Variants in LRP5 observed in about 807,000 individuals in gnomAD.
The protein encoded by LRP5 is low-density lipoprotein receptor-related protein 5.
LRP5 carries 62 observed loss-of-function variants against 154.1 expected under a neutral mutation model. The observed-to-expected ratio is 0.40, with a 90% CI of 0.33 to 0.50. The LOEUF (loss-of-function observed/expected upper bound fraction) is 0.50. Among genes scored for constraint, LRP5 ranks in the 20% least tolerant of loss-of-function variants. The pLI, the probability that LRP5 is intolerant of heterozygous loss-of-function variation, is 0.55. For missense variants in LRP5, 1,915 were observed against 2,336.7 expected (o/e 0.82, Z 3.72); for synonymous variants, 966 against 1,011.5 (o/e 0.96, Z 0.85).
At chr11:68,410,928 T>G (rs1432912634) in intron 10 of LRP5, among the ~76,000 whole-genome samples, 1 of 152,134 alleles carries the variant, frequency 6.6e-6, no homozygotes, top group African/African-American at 2.4e-5. Flanking sequence ...CAGGTCAAAC[T>G]TAGAAAATTC....
chr11:68,439,949 G>C, intron 21 of LRP5, 33 bp downstream of exon 21: 10 of 597,756 alleles, frequency 1.7e-5, no homozygotes, highest in Middle Eastern at 5.7e-4. Context: ...GGCGGGGCGG[G>C]ATGGGGCTGT....
At chr11:68,326,314 G>A (rs2098599626) in intron 1 of LRP5, among the ~76,000 whole-genome samples, 1 of 152,218 alleles carries the variant, frequency 6.6e-6, no homozygotes, top group African/African-American at 2.4e-5. Flanking sequence ...CTTTTCAGAG[G>A]ACATTGTTGA....
intron 3 of LRP5, among the ~76,000 whole-genome samples, chr11:68,359,241 G>A (rs1227947690): frequency 6.6e-6 from 1 of 152,200 alleles, no homozygotes; most frequent in African/African-American, 2.4e-5. Flanking sequence ...CTGAAGGTTT[G>A]AGTGAGGCCG....
chr11:68,361,304 C>CA (rs111416748), intron 3 of LRP5, among the ~76,000 whole-genome samples: 1,456 of 122,524 alleles, frequency 0.012, 20 homozygotes, highest in African/African-American at 0.033. Flanking sequence ...GACTCTGTCT[C>CA]AAAAAAAAAA....
At position 68,386,187 on chromosome 11, in the gene LRP5, A is replaced by T. The variant is rs2098642883; in HGVS notation, c.1016-129A>T. On this transcript the variant is annotated intron_variant, in intron 5 of 22. Transcript: ENST00000294304. The surrounding 1 kb of genome is among the most constrained non-coding windows in gnomAD (Gnocchi z 7.9). ...ATGGGCTGGGTGCGTGTCACCTAAC[A>T]TCACCAGCCTTTGCAAGGAGAGCCC... The T allele has an allele frequency of 8.7e-7, 1 of 1,147,116 alleles. No individual in the cohort carries two copies. The highest frequency in any genetic ancestry group is 1.8e-5 in the Admixed American group (1 of 56,634). The allele number at this position is 1,147,116 out of a possible 1,614,324, so 71.1% of individuals were successfully genotyped here.
chr11:68,365,330 C>T (rs539168276), intron 4 of LRP5, among the ~76,000 whole-genome samples: 2 of 151,948 alleles, frequency 1.3e-5, no homozygotes, highest in East Asian at 3.9e-4. Flanking sequence ...AGGAAGGTCA[C>T]GGCTGGTTTT....
chr11:68,438,218 C>T (rs1156691302), intron 19 of LRP5, among the ~76,000 whole-genome samples: 1 of 152,120 alleles, frequency 6.6e-6, no homozygotes, highest in East Asian at 1.9e-4. Flanking sequence ...GGGAGTCGGA[C>T]AGCGGCGGGG....
chr11:68,363,851 A>C lies in LRP5; in HGVS notation c.791A>C (p.Asn264Thr). The C allele has an allele frequency of 6.2e-7, 1 of 1,613,204 alleles. No homozygotes were observed. Among genetic ancestry groups the C allele is most frequent in the Non-Finnish European group, 8.5e-7 (1 of 1,179,850 alleles). ...CAGACCCGCTCCATCCATGCCTGCA[A>C]CAAGCGCACTGGGGGGAAGAGGAAG... ...DWQTRSIHAC[N>T]KRTGGKRKEI... Residue 264 changes from asparagine to threonine, a missense_variant, in exon 4 of 23, where the codon AAC becomes ACC. Transcript: ENST00000294304.
chr11:68,390,036 A>G lies in LRP5; in HGVS notation c.1568A>G (p.Lys523Arg). 1 of 1,614,256 alleles carries G rather than the reference A, an allele frequency of 6.2e-7. No homozygotes were observed. The highest frequency in any genetic ancestry group is 8.5e-7 in the Non-Finnish European group (1 of 1,180,044). The change falls in exon 7 of 23, where the codon AAG becomes AGG. Residue 523 changes from lysine (K) to arginine (R), a missense_variant. This residue lies in a region of LRP5 where 773 missense variants were observed against 1,100.9 expected (regional missense o/e 0.70). Coordinates refer to ENST00000294304, the MANE Select transcript of LRP5 (RefSeq NM_002335.4). ...GGGAAGCTCTACTGGGGAGACGCCA[A>G]GACAGACAAGATCGAGGTGAGGCTC... ...QEGKLYWGDA[K>R]TDKIEVINVD...
At chr11:68,420,575 G>A (rs145004834) in intron 13 of LRP5, among the ~76,000 whole-genome samples, 106 of 152,042 alleles carry the variant, frequency 7.0e-4, no homozygotes, top group Admixed American at 1.2e-3. Context: ...GTGGTGGCGC[G>A]CACCTGTAAT....
At chr11:68,330,811 G>T (rs1007197619) in intron 1 of LRP5, among the ~76,000 whole-genome samples, 2 of 152,236 alleles carry the variant, frequency 1.3e-5, no homozygotes, top group African/African-American at 4.8e-5. Context: ...ACCCTGATGC[G>T]CATTAGCCTT....
Position 68,414,073 on chromosome 11 carries a change from C to G in LRP5, c.2827+61C>G, listed in dbSNP as rs901196070. 19 of 1,497,388 alleles carry G rather than the reference C, an allele frequency of 1.3e-5. No homozygotes were observed. The African/African-American group carries it at 2.1e-4, about 16-fold the overall frequency. The allele number at this position is 1,497,388 out of a possible 1,614,324, so 92.8% of individuals were successfully genotyped here. A position where few individuals can be genotyped will look rare whatever the true frequency, so the allele number is the denominator to read the frequency against. On this transcript the variant is annotated intron_variant, in intron 12 of 22. Transcript: ENST00000294304. ...CGTTAGATCAGGCTGGTTCTGGGAGCTGACGCTGAAAGGAGCTTCTCATCT... is the reference window on the plus strand; with the variant it reads ...CGTTAGATCAGGCTGGTTCTGGGAGGTGACGCTGAAAGGAGCTTCTCATCT...
In LRP5 at chr11:68,312,657, C is replaced by G. The variant is rs1270682895; in HGVS notation, c.-58C>G. 2 of 822,384 alleles carry G rather than the reference C, an allele frequency of 2.4e-6. No homozygotes were observed. Among genetic ancestry groups the G allele is most frequent in the African/African-American group, 3.7e-5 (2 of 53,400 alleles). The allele number at this position is 822,384 out of a possible 1,614,324, so 50.9% of individuals were successfully genotyped here. A position where few individuals can be genotyped will look rare whatever the true frequency, so the allele number is the denominator to read the frequency against. On this transcript the variant is annotated 5_prime_UTR_variant, in exon 1 of 23. Coordinates refer to ENST00000294304, the MANE Select transcript of LRP5 (RefSeq NM_002335.4). Reference sequence around the variant, plus strand: ...CCGGGAGCCGCGCGAGGAGCCGCCGCCGCCGCGCCATGGAGCCCGAGTGAG... The same window carrying G: ...CCGGGAGCCGCGCGAGGAGCCGCCGGCGCCGCGCCATGGAGCCCGAGTGAG...
At chr11:68,360,658 C>G (rs2098627067) in intron 3 of LRP5, among the ~76,000 whole-genome samples, 1 of 152,216 alleles carries the variant, frequency 6.6e-6, no homozygotes, top group African/African-American at 2.4e-5. Context: ...GAGCATGGCC[C>G]AGGGAGCAAC....
At chr11:68,440,526 C>G (rs2098677630) in intron 21 of LRP5, among the ~76,000 whole-genome samples, 6 of 152,230 alleles carry the variant, frequency 3.9e-5, no homozygotes, top group Admixed American at 3.9e-4. Context: ...TCTGGGAGCA[C>G]AGTCCCAGGA....
intron 7 of LRP5, among the ~76,000 whole-genome samples, chr11:68,391,873 G>A (rs932439853): frequency 1.3e-4 from 20 of 152,136 alleles, no homozygotes; most frequent in African/African-American, 3.9e-4. Flanking sequence ...ACAGGGTCTC[G>A]CTCGCTCACC....
chr11:68,365,599 C>T lies in LRP5; in HGVS notation c.912C>T (p.Gly304=), dbSNP rs758466329. 2.2e-5 allele frequency: 36 copies of T among 1,613,810 alleles called. No individual in the cohort carries two copies. Among genetic ancestry groups the T allele is most frequent in the African/African-American group, 1.2e-4 (9 of 74,884 alleles). ...FFHTRCEEDN[G]GCSHLCLLSP... Reference sequence around the variant, plus strand: ...ACACTCGCTGTGAGGAGGACAATGGCGGCTGCTCCCACCTGTGCCTGCTGT... The same window carrying T: ...ACACTCGCTGTGAGGAGGACAATGGTGGCTGCTCCCACCTGTGCCTGCTGT... Residue 304 remains glycine, a synonymous_variant, in exon 5 of 23, where the codon GGC becomes GGT. Transcript: ENST00000294304.
chr11:68,407,370 T>G (rs1166861787), intron 9 of LRP5, among the ~76,000 whole-genome samples: 8 of 151,196 alleles, frequency 5.3e-5, no homozygotes, highest in African/African-American at 1.7e-4. Flanking sequence ...CAGGGTTTCA[T>G]CATGTTGGCC....
intron 1 of LRP5, among the ~76,000 whole-genome samples, chr11:68,314,202 GT>G (rs2098591208): frequency 1.3e-5 from 2 of 152,156 alleles, no homozygotes; most frequent in South Asian, 4.1e-4. Flanking sequence ...TAAAGGGGGG[GT>G]TTCTAGGCCG....
Sources: gnomAD v4.1 joint callset for allele counts (sites outside exome capture counted in the v4.1 genomes callset) on GRCh38, gnomAD v4.1.1 for gene constraint, gnomAD v4.1.1 regional missense constraint, Gnocchi (gnomAD v3.1) non-coding constraint, MANE v1.5 for transcripts, NCBI Gene and HGNC (gene_info 2026-07-23, HGNC 2026-07-21) for gene names.